ASCC3: variants seen among roughly 807,000 people sequenced by gnomAD.
ASCC3 encodes ASC-1 complex subunit P200.
ASCC3 carries 158 observed loss-of-function variants against 256.3 expected under a neutral mutation model. That is an observed-to-expected ratio of 0.62 (90% CI 0.54 to 0.70). ASCC3 has a LOEUF of 0.70. Ranked by LOEUF, ASCC3 falls within the 30% of genes least tolerant of loss-of-function variation. The pLI is 0.00. For missense variants in ASCC3, 2,259 were observed against 2,626.0 expected, an observed-to-expected ratio of 0.86 and a Z score of 3.05; for synonymous variants, 948 against 883.4, an observed-to-expected ratio of 1.07 and a Z score of -1.30.
At chr6:100,771,921 C>G (rs1319429342) in intron 8 of ASCC3, among the ~76,000 whole-genome samples, 3 of 142,536 alleles carry the variant, frequency 2.1e-5, no homozygotes, top group Non-Finnish European at 4.5e-5. Context: ...GCTCTGTCCC[C>G]CAGGCTGAGT....
intron 3 of ASCC3, among the ~76,000 whole-genome samples, chr6:100,851,180 A>C (rs1328353810): frequency 6.6e-6 from 1 of 152,162 alleles, no homozygotes; most frequent in Non-Finnish European, 1.5e-5. Flanking sequence ...CAAGATTAAC[A>C]TTAGTCTTCT....
intron 37 of ASCC3, chr6:100,530,433 T>A: frequency 1.2e-6 from 1 of 844,738 alleles, no homozygotes; most frequent in South Asian, 1.3e-5. Flanking sequence ...ACTTTATATA[T>A]GAGAGAGTGT....
intron 10 of ASCC3, 29 bp from the exon 11 acceptor site, chr6:100,725,732 G>C: frequency 6.2e-7 from 1 of 1,610,342 alleles, no homozygotes; most frequent in Non-Finnish European, 8.5e-7. Flanking sequence ...TTTAAAAGGG[G>C]AAAGTTACAT....
Position 100,647,300 on chromosome 6 carries a change from G to T in ASCC3, c.3404C>A (p.Pro1135Gln), listed in dbSNP as rs1775429277. 6.2e-7 allele frequency: 1 copy of T among 1,613,794 alleles called. No homozygotes were observed. The highest frequency in any genetic ancestry group is 1.7e-5 in the Admixed American group (1 of 59,986). Residue 1135 changes from proline (P) to glutamine (Q), a missense_variant, in exon 21 of 42, where the codon CCA becomes CAA. Pro to Gln is a moderately conservative substitution (Grantham distance 76). Around this residue, in one of 2 missense-constraint regions of ASCC3, gnomAD observed 1,839 missense variants for 2,206.7 expected, o/e 0.83. Coordinates refer to ENST00000369162, the MANE Select transcript of ASCC3 (RefSeq NM_006828.4). ...TTCTTCTAATCTTGTTAGGATGTGT[G>T]GTGGTAGGATTGAAAATTGTCTCAA... ...SPLRQFSILP[P>Q]HILTRLEEKK...
intron 36 of ASCC3, among the ~76,000 whole-genome samples, chr6:100,587,070 A>G (rs1046559748): frequency 6.6e-6 from 1 of 152,192 alleles, no homozygotes; most frequent in Non-Finnish European, 1.5e-5. Context: ...TGACTTTCTT[A>G]AGTATTATAA....
At chr6:100,560,634 T>G (rs1219145879) in intron 36 of ASCC3, among the ~76,000 whole-genome samples, 2 of 151,920 alleles carry the variant, frequency 1.3e-5, no homozygotes, top group Non-Finnish European at 2.9e-5. Flanking sequence ...CTGAAACCAT[T>G]CCAGCTGTGG....
chr6:100,650,995 G>A (rs528566396), intron 19 of ASCC3, among the ~76,000 whole-genome samples: 10 of 151,780 alleles, frequency 6.6e-5, no homozygotes, highest in Admixed American at 3.9e-4. Flanking sequence ...TAAATCTTCT[G>A]ACCTCACCAT....
intron 10 of ASCC3, among the ~76,000 whole-genome samples, chr6:100,732,563 T>G (rs1470245999): frequency 6.6e-6 from 1 of 152,218 alleles, no homozygotes; most frequent in Non-Finnish European, 1.5e-5. Context: ...AGAACATGGG[T>G]ACATCTATAA....
intron 4 of ASCC3, among the ~76,000 whole-genome samples, chr6:100,811,465 C>T (rs748907055): frequency 1.3e-5 from 2 of 151,980 alleles, no homozygotes; most frequent in Non-Finnish European, 2.9e-5. Context: ...TCAAATCATA[C>T]TATAAGTGAA....
chr6:100,690,296 C>G (rs1198393294), intron 13 of ASCC3, among the ~76,000 whole-genome samples: 2 of 152,048 alleles, frequency 1.3e-5, no homozygotes. Context: ...ACAGATGCAA[C>G]CATTCTTTTT....
intron 34 of ASCC3, among the ~76,000 whole-genome samples, chr6:100,601,381 C>T (rs1410037830): frequency 6.6e-6 from 1 of 151,986 alleles, no homozygotes; most frequent in Non-Finnish European, 1.5e-5. Context: ...TGACATTCTA[C>T]CACACCTCAA....
intron 13 of ASCC3, among the ~76,000 whole-genome samples, chr6:100,690,878 G>T (rs1026296777): frequency 6.6e-6 from 1 of 152,056 alleles, no homozygotes; most frequent in Non-Finnish European, 1.5e-5. Flanking sequence ...GCTTTTAAGT[G>T]ATAAATAGTT....
intron 1 of ASCC3, among the ~76,000 whole-genome samples, chr6:100,869,314 G>A (rs1394112381): frequency 6.6e-6 from 1 of 152,188 alleles, no homozygotes; most frequent in African/African-American, 2.4e-5. Flanking sequence ...GAATGTCTCA[G>A]ACTATTCTCT....
At chr6:100,528,272 A>G (rs1317615335) in intron 37 of ASCC3, among the ~76,000 whole-genome samples, 1 of 152,238 alleles carries the variant, frequency 6.6e-6, no homozygotes, top group East Asian at 1.9e-4. Flanking sequence ...TTAGTTTATC[A>G]GAAGTTGTTA....
rs1320451779 is a variant in ASCC3, at chr6:100,650,556, A to G, written c.3234T>C (p.Asp1078=). 2.5e-6 allele frequency: 4 copies of G among 1,612,592 alleles called. No homozygotes were observed. Among genetic ancestry groups the G allele is most frequent in the Non-Finnish European group, 3.4e-6 (4 of 1,179,022 alleles). Residue 1078 remains aspartate, a synonymous_variant, in exon 20 of 42, where the codon GAT becomes GAC. Transcript: ENST00000369162. ...GEMDSFSLIS[D]SAYVAQNAAR... is the part of the protein sequence containing the mutation. ...TACTTACCTGTGCAACATATGCAGAATCTGATATAAGGGAGAAACTGTCCA... is the reference window on the plus strand; with the variant it reads ...TACTTACCTGTGCAACATATGCAGAGTCTGATATAAGGGAGAAACTGTCCA...
At chr6:100,829,088 G>A (rs182807699) in intron 4 of ASCC3, among the ~76,000 whole-genome samples, 428 of 152,100 alleles carry the variant, frequency 2.8e-3, no homozygotes, top group Middle Eastern at 0.014. Context: ...ACAGAGTGTC[G>A]ATTGGTGTAT....
chr6:100,582,254 T>A (rs1156243774), intron 36 of ASCC3, among the ~76,000 whole-genome samples: 2 of 152,108 alleles, frequency 1.3e-5, no homozygotes, highest in Admixed American at 1.3e-4. Flanking sequence ...TATCGTCTTT[T>A]ATTTCATTGA....
chr6:100,776,911 C>G (rs573193355), intron 8 of ASCC3, among the ~76,000 whole-genome samples: 1 of 152,028 alleles, frequency 6.6e-6, no homozygotes, highest in South Asian at 2.1e-4. Flanking sequence ...ATACCAAGGA[C>G]ATACATTACA....
intron 36 of ASCC3, among the ~76,000 whole-genome samples, chr6:100,567,925 C>T (rs189621719): frequency 4.6e-5 from 7 of 152,090 alleles, no homozygotes; most frequent in Admixed American, 1.3e-4. Context: ...GGGATTGCTG[C>T]GTTGTATAGT....
Sources: allele counts gnomAD v4.1 joint callset (sites outside exome capture counted in the v4.1 genomes callset), GRCh38; gene constraint gnomAD v4.1.1; regional missense constraint gnomAD v4.1.1; transcripts MANE v1.5; gene names NCBI Gene and HGNC (gene_info 2026-07-23, HGNC 2026-07-21).